NUP54: variants seen among roughly 807,000 people sequenced by gnomAD.
NUP54 encodes nucleoporin 54.
NUP54 carries 27 observed loss-of-function variants against 66.4 expected under a neutral mutation model. The ratio of observed to expected loss-of-function variants is 0.41; its 90% CI spans 0.30 to 0.56. The LOEUF (loss-of-function observed/expected upper bound fraction) is 0.56. Among genes scored for constraint, NUP54 ranks in the 20% least tolerant of loss-of-function variants. The pLI, the probability that NUP54 is intolerant of heterozygous loss-of-function variation, is 0.34. For missense variants in NUP54, 486 were observed against 596.3 expected, an observed-to-expected ratio of 0.82 and a Z score of 1.93; for synonymous variants, 206 against 210.7, an observed-to-expected ratio of 0.98 and a Z score of 0.19.
chr4:76,125,854 G>GA lies in NUP54; in HGVS notation c.1057-1099_1057-1098insT, dbSNP rs1297880696. Among the ~76,000 whole-genome samples the GA allele has an allele frequency of 8.4e-5, 8 of 94,694 alleles. No homozygotes were observed. The East Asian group carries it at 4.8e-3, about 56-fold the overall frequency. 62.1% of individuals were successfully genotyped at this position (94,694 alleles called of 152,430 possible). On this transcript the variant is annotated intron_variant, in intron 8 of 11. Transcript: ENST00000264883. ...GGAGAGAGGGAGAGAGGGAGAGAGG[G>GA]GGAGGGGGAGGGAGAGAGAGAGACA...
chr4:76,142,617 T>C (rs1265364337), intron 3 of NUP54, among the ~76,000 whole-genome samples: 1 of 152,186 alleles, frequency 6.6e-6, no homozygotes, highest in South Asian at 2.1e-4. Flanking sequence ...CACAGGGTTC[T>C]TGTGAGAATA....
At chr4:76,119,996 A>T (rs1333503904) in intron 9 of NUP54, among the ~76,000 whole-genome samples, 5 of 151,730 alleles carry the variant, frequency 3.3e-5, no homozygotes, top group African/African-American at 1.2e-4. Context: ...AAATGCCTTA[A>T]GAAGTATAGC....
chr4:76,134,441 C>T (rs374964598), intron 4 of NUP54, 79 bp from the exon 5 acceptor site: 1 of 1,143,352 alleles, frequency 8.7e-7, no homozygotes, highest in East Asian at 2.6e-5. Flanking sequence ...AGCTTAATAT[C>T]TGCTAAAATG....
intron 4 of NUP54, 121 bp from the exon 5 acceptor site, chr4:76,134,483 G>C (rs1398668840): frequency 1.2e-6 from 1 of 803,204 alleles, no homozygotes; most frequent in Non-Finnish European, 1.9e-6. Context: ...GTAATTAAGG[G>C]AATAATGATT....
intron 8 of NUP54, among the ~76,000 whole-genome samples, chr4:76,126,923 A>G (rs1449903773): frequency 6.6e-6 from 1 of 152,158 alleles, no homozygotes; most frequent in Non-Finnish European, 1.5e-5. Context: ...AACTTTGAAA[A>G]GAAGAACCAA....
chr4:76,123,338 CT>C (rs1415610962), intron 9 of NUP54, among the ~76,000 whole-genome samples: 6 of 152,316 alleles, frequency 3.9e-5, no homozygotes, highest in Non-Finnish European at 8.8e-5. Context: ...ATGAAACTAT[CT>C]GTCCCTAAGG....
chr4:76,148,308 C>T lies in NUP54; in HGVS notation c.67G>A (p.Gly23Ser). The change falls in exon 1 of 12, where the codon GGT becomes AGT. Residue 23 changes from glycine to serine, a missense_variant and splice_region_variant. Gly to Ser is a moderately conservative substitution (Grantham distance 56). Transcript: ENST00000264883. ...GTGAAGGTCTAGGGGGATCACTCAC[C>T]CGCGGGGGCCGCGGTGGCTGCAGCG... ...GTAAATAAPA[G>S]GFGGFGTTST... is the part of the protein sequence containing the mutation. 1.3e-6 allele frequency: 2 copies of T among 1,503,870 alleles called. No homozygotes were observed. Among genetic ancestry groups the T allele is most frequent in the South Asian group, 1.3e-5 (1 of 74,884 alleles). The allele number at this position is 1,503,870 out of a possible 1,614,324, so 93.2% of individuals were successfully genotyped here. A position where few individuals can be genotyped will look rare whatever the true frequency, so the allele number is the denominator to read the frequency against.
intron 8 of NUP54, among the ~76,000 whole-genome samples, chr4:76,130,367 A>G (rs918684532): frequency 3.3e-5 from 5 of 152,210 alleles, no homozygotes; most frequent in African/African-American, 1.2e-4. Flanking sequence ...CTTCATTTTC[A>G]TAAGGCCCCA....
In NUP54 at chr4:76,136,088, G is replaced by C. The variant is rs1026814090; in HGVS notation, c.522+98C>G. The C allele has an allele frequency of 1.3e-5, 10 of 785,328 alleles. No homozygotes were observed. In the Admixed American group the frequency reaches 2.3e-4, roughly 18 times the overall value. 48.6% of individuals were successfully genotyped at this position (785,328 alleles called of 1,614,324 possible). ...AAAGTATAATCATACCATGTTCAAGGAGTAAAGATCCAAGCAATTGTTATC... is the reference window on the plus strand; with the variant it reads ...AAAGTATAATCATACCATGTTCAAGCAGTAAAGATCCAAGCAATTGTTATC... On this transcript the variant is annotated intron_variant, in intron 4 of 11. Coordinates refer to ENST00000264883, the MANE Select transcript of NUP54 (RefSeq NM_017426.4).
chr4:76,131,964 A>G (rs1730821642), intron 6 of NUP54, among the ~76,000 whole-genome samples: 1 of 152,142 alleles, frequency 6.6e-6, no homozygotes, highest in African/African-American at 2.4e-5. Context: ...ATTGACATGA[A>G]AAGTGCTAAG....
chr4:76,136,400 A>G lies in NUP54; in HGVS notation c.308T>C (p.Leu103Pro). The change falls in exon 4 of 12, where the codon CTC becomes CCC. Residue 103 changes from leucine (L) to proline (P), a missense_variant. Transcript: ENST00000264883. ...QQQQQTTLGGLFSQPTQAPTQ... is the reference protein window; with the variant it reads ...QQQQQTTLGGPFSQPTQAPTQ... ...AGGAGCTTGTGTAGGCTGACTGAAGAGACCACCTAATGCTAAAAATGTACC... is the reference window on the plus strand; with the variant it reads ...AGGAGCTTGTGTAGGCTGACTGAAGGGACCACCTAATGCTAAAAATGTACC... The G allele has an allele frequency of 6.2e-7, 1 of 1,612,376 alleles. No homozygotes were observed. The highest frequency in any genetic ancestry group is 8.5e-7 in the Non-Finnish European group (1 of 1,179,008).
chr4:76,144,754 A>C (rs1274035667), intron 1 of NUP54, among the ~76,000 whole-genome samples: 3 of 152,224 alleles, frequency 2.0e-5, no homozygotes, highest in African/African-American at 7.2e-5. Context: ...GAGAAAACAC[A>C]TTAAGCCTAT....
intron 3 of NUP54, among the ~76,000 whole-genome samples, chr4:76,136,852 A>C (rs1731061392): frequency 1.3e-5 from 2 of 152,158 alleles, no homozygotes. Context: ...AGTGAAACCC[A>C]CTTCTGGACT....
At chr4:76,127,243 T>C (rs987445945) in intron 8 of NUP54, among the ~76,000 whole-genome samples, 6 of 151,954 alleles carry the variant, frequency 3.9e-5, no homozygotes, top group Non-Finnish European at 8.8e-5. Context: ...CCATCCTGGC[T>C]AACACGGTGA....
chr4:76,115,543 T>G, intron 11 of NUP54, 49 bp from the exon 12 acceptor site: 1 of 1,466,656 alleles, frequency 6.8e-7, no homozygotes, highest in Non-Finnish European at 9.1e-7. Context: ...TTCTTAAAAC[T>G]GCAAGCTAGT....
chr4:76,140,843 G>A (rs1731239336), intron 3 of NUP54, among the ~76,000 whole-genome samples: 1 of 152,136 alleles, frequency 6.6e-6, no homozygotes, highest in South Asian at 2.1e-4. Context: ...AAAGGCTTGG[G>A]GTTTTTTCAG....
chr4:76,125,435 A>G (rs1181261434), intron 8 of NUP54, among the ~76,000 whole-genome samples: 1 of 151,468 alleles, frequency 6.6e-6, no homozygotes, highest in Admixed American at 6.6e-5. Flanking sequence ...GGATTTTGAG[A>G]CAAGCTTGGG....
Position 76,147,426 on chromosome 4 carries a change from T to G in NUP54, c.67+882A>C, listed in dbSNP as rs1731549457. 18 of 1,203,186 alleles carry G rather than the reference T, an allele frequency of 1.5e-5. No individual in the cohort carries two copies. The Admixed American group carries it at 4.5e-4, about 30-fold the overall frequency. The allele number at this position is 1,203,186 out of a possible 1,614,324, so 74.5% of individuals were successfully genotyped here. ...TTCCCAAACTCCAGGAACCACAATATTCTTGGACTCCAGCTCCCAACACTG... is the reference window on the plus strand; with the variant it reads ...TTCCCAAACTCCAGGAACCACAATAGTCTTGGACTCCAGCTCCCAACACTG... On this transcript the variant is annotated intron_variant, in intron 1 of 11. Transcript: ENST00000264883.
At position 76,148,363 on chromosome 4, in the gene NUP54, A is replaced by G. The variant is rs772501061; in HGVS notation, c.12T>C (p.Asn4=). The G allele has an allele frequency of 2.7e-5, 41 of 1,544,732 alleles. No individual in the cohort carries two copies. In the South Asian group the frequency reaches 3.9e-4, roughly 15 times the overall value. Residue 4 remains asparagine (N), a synonymous_variant, in exon 1 of 12, where the codon AAT becomes AAC. Coordinates refer to ENST00000264883, the MANE Select transcript of NUP54 (RefSeq NM_017426.4). Reference sequence around the variant, plus strand: ...CGGAGGTGCCCGAGGGAGCCCCAAAATTGAAGGCCATGTCGCGAAAGCAGG... The same window carrying G: ...CGGAGGTGCCCGAGGGAGCCCCAAAGTTGAAGGCCATGTCGCGAAAGCAGG... MAF[N]FGAPSGTSGT... is the part of the protein sequence containing the mutation.
Sources: gnomAD v4.1 joint callset for allele counts (sites outside exome capture counted in the v4.1 genomes callset) on GRCh38, gnomAD v4.1.1 for gene constraint, MANE v1.5 for transcripts, NCBI Gene and HGNC (gene_info 2026-07-23, HGNC 2026-07-21) for gene names.